The following PAPPA2 variants were observed in gnomAD, a reference collection of about 807,000 sequenced individuals.
PAPPA2 encodes pappalysin-2.
A neutral mutation model predicts 176.4 loss-of-function variants in PAPPA2; 86 were observed. The ratio of observed to expected loss-of-function variants is 0.49; its 90% CI spans 0.41 to 0.58. PAPPA2 has a LOEUF of 0.58. Ranked by LOEUF, PAPPA2 falls within the 20% of genes least tolerant of loss-of-function variation. The pLI, the probability that PAPPA2 is intolerant of heterozygous loss-of-function variation, is 0.00. For synonymous variants in PAPPA2, 809 were observed against 852.2 expected, an observed-to-expected ratio of 0.95 and a Z score of 0.88; for missense variants, 2,073 against 2,256.9, an observed-to-expected ratio of 0.92 and a Z score of 1.65.
Position 176,692,299 on chromosome 1 carries a change from A to G in PAPPA2, c.2605A>G (p.Ser869Gly), listed in dbSNP as rs377278137. ...CACTATCCACTGGCTGCCTCCTATT[A>G]GTGGAGTTGTATATGACAGGTGAGA... is the stretch of plus-strand genomic sequence containing the variant. Reference protein sequence around the residue: ...SLTIHWLPPISGVVYDRASGS... With the variant: ...SLTIHWLPPIGGVVYDRASGS... Residue 869 changes from serine to glycine, a missense_variant, in exon 6 of 23, where the codon AGT (serine) becomes GGT (glycine). Physicochemically the swap from Ser to Gly is moderately conservative, Grantham distance 56. Around this residue, in one of 4 missense-constraint regions of PAPPA2, gnomAD observed 1,196 missense variants for 1,330.4 expected, o/e 0.90. Transcript: ENST00000367662. The G allele has an allele frequency of 1.3e-5, 21 of 1,613,310 alleles. No individual in the cohort carries two copies. The African/African-American group carries it at 2.8e-4, about 22-fold the overall frequency.
At chr1:176,622,526 G>A (rs1048019357) in intron 3 of PAPPA2, among the ~76,000 whole-genome samples, 4 of 152,250 alleles carry the variant, frequency 2.6e-5, no homozygotes, top group Non-Finnish European at 5.9e-5. Flanking sequence ...TTAGAACACC[G>A]ACTGTGCCCA....
chr1:176,730,343 TTTG>T (rs1464139935), intron 12 of PAPPA2, among the ~76,000 whole-genome samples: 4 of 151,990 alleles, frequency 2.6e-5, no homozygotes, highest in African/African-American at 7.2e-5. Flanking sequence ...TTTTGAATTT[TTTG>T]TTATTTCCAG....
intron 20 of PAPPA2, among the ~76,000 whole-genome samples, chr1:176,795,522 A>C (rs1215117639): frequency 6.6e-6 from 1 of 152,222 alleles, no homozygotes; most frequent in Non-Finnish European, 1.5e-5. Context: ...AATAGGAAAA[A>C]TTAATGTTTT....
intron 21 of PAPPA2, among the ~76,000 whole-genome samples, chr1:176,819,931 C>T (rs1666588445): frequency 6.6e-6 from 1 of 152,182 alleles, no homozygotes; most frequent in African/African-American, 2.4e-5. Flanking sequence ...AGGAGACTAA[C>T]AACAGCCCAG....
chr1:176,809,729 C>A (rs531815074), intron 21 of PAPPA2, among the ~76,000 whole-genome samples: 10 of 152,122 alleles, frequency 6.6e-5, no homozygotes, highest in African/African-American at 2.4e-4. Context: ...GCCTGACTAA[C>A]AAGTCGTAAT....
chr1:176,644,844 A>G (rs1174267748), intron 3 of PAPPA2, among the ~76,000 whole-genome samples: 1 of 151,862 alleles, frequency 6.6e-6, no homozygotes, highest in Non-Finnish European at 1.5e-5. Context: ...AAAAGGACAC[A>G]GGAAAATAAA....
At position 176,769,611 on chromosome 1, in the gene PAPPA2, A is replaced by C; in HGVS notation, c.4328A>C (p.Glu1443Ala). The C allele has an allele frequency of 1.2e-6, 2 of 1,613,138 alleles. No homozygotes were observed. Among genetic ancestry groups the C allele is most frequent in the Non-Finnish European group, 1.7e-6 (2 of 1,179,766 alleles). Residue 1443 changes from glutamate (E) to alanine (A), a missense_variant, in exon 16 of 23, where the codon GAA becomes GCA. Physicochemically the swap from Glu to Ala is moderately radical, Grantham distance 107. Coordinates refer to ENST00000367662, the MANE Select transcript of PAPPA2 (RefSeq NM_020318.3). ...SGQYIRPMQKEILLTCSSGHW... is the reference protein window; with the variant it reads ...SGQYIRPMQKAILLTCSSGHW... ...AAGCAATTTCTCTGTTTCTAGAAGG[A>C]AATTCTGCTCACATGTTCTTCTGGG...
chr1:176,813,274 T>C (rs1431353768), intron 21 of PAPPA2, among the ~76,000 whole-genome samples: 1 of 152,116 alleles, frequency 6.6e-6, no homozygotes, highest in Non-Finnish European at 1.5e-5. Flanking sequence ...ATCTTTCTAA[T>C]AGAATGACAT....
chr1:176,702,550 C>T lies in PAPPA2; in HGVS notation c.3237-57C>T, dbSNP rs190484187. 7 of 1,600,160 alleles carry T rather than the reference C, an allele frequency of 4.4e-6. No homozygotes were observed. The East Asian group carries it at 1.1e-4, about 26-fold the overall frequency. ...ACTTCTGTGAACCATCAACAAAGGA[C>T]CCAGGGCATGCCTCACTTTGTGGCT... On this transcript the variant is annotated intron_variant, in intron 8 of 22. Coordinates refer to ENST00000367662, the MANE Select transcript of PAPPA2 (RefSeq NM_020318.3).
chr1:176,753,474 C>T (rs912996102), intron 14 of PAPPA2, among the ~76,000 whole-genome samples: 1 of 151,428 alleles, frequency 6.6e-6, no homozygotes, highest in East Asian at 1.9e-4. Flanking sequence ...CCTTTCCAGC[C>T]TTCTTCTTCC....
At chr1:176,676,611 T>C (rs888953944) in intron 4 of PAPPA2, among the ~76,000 whole-genome samples, 1 of 152,094 alleles carries the variant, frequency 6.6e-6, no homozygotes, top group East Asian at 1.9e-4. Flanking sequence ...GAGAAAAGTA[T>C]AGATGTATGT....
chr1:176,771,028 C>A lies in PAPPA2; in HGVS notation c.4563C>A (p.Cys1521Ter). 3 of 1,614,188 alleles carry A rather than the reference C, an allele frequency of 1.9e-6. No individual in the cohort carries two copies. Among genetic ancestry groups the A allele is most frequent in the Non-Finnish European group, 2.5e-6 (3 of 1,180,030 alleles). The change falls in exon 17 of 23, where the codon TGC (cysteine) becomes TGA (stop). Residue 1521 changes from cysteine to a stop codon, truncating the protein, a stop_gained. Coordinates refer to ENST00000367662, the MANE Select transcript of PAPPA2 (RefSeq NM_020318.3). LOFTEE classifies it high-confidence loss of function. ...TCTGGTCTCTCCCTGAAGTCTACTG[C>A]AAGTTGGAGTGTGATGCTCCCCCTA... is the stretch of plus-strand genomic sequence containing the variant. ...DGLWSLPEVY[C>*]KLECDAPPII...
intron 14 of PAPPA2, among the ~76,000 whole-genome samples, chr1:176,758,898 C>G (rs1663562617): frequency 6.6e-6 from 1 of 152,162 alleles, no homozygotes; most frequent in African/African-American, 2.4e-5. Context: ...CATGTTAAAG[C>G]TGGAAGGGCC....
intron 12 of PAPPA2, among the ~76,000 whole-genome samples, chr1:176,718,303 G>A (rs928141840): frequency 6.6e-6 from 1 of 151,860 alleles, no homozygotes; most frequent in Admixed American, 6.5e-5. Flanking sequence ...GTTAATTTGT[G>A]GCTTGTCTCT....
At position 176,663,324 on chromosome 1, in the gene PAPPA2, C is replaced by T. The variant is rs1195997461; in HGVS notation, c.1992-7646C>T. On this transcript the variant is annotated intron_variant, in intron 3 of 22. Coordinates refer to ENST00000367662, the MANE Select transcript of PAPPA2 (RefSeq NM_020318.3). ...TTGTGGCATTGCCTCCATTCTGTTG[C>T]TCCTTTTAAGCAAAGTATACCTGCT... is the stretch of plus-strand genomic sequence containing the variant. 2.6e-5 allele frequency among the ~76,000 whole-genome samples: 4 copies of T among 152,144 alleles called. No homozygotes were observed. The East Asian group carries it at 7.7e-4, about 29-fold the overall frequency.
intron 4 of PAPPA2, among the ~76,000 whole-genome samples, chr1:176,687,283 C>T (rs1401706346): frequency 6.6e-6 from 1 of 152,122 alleles, no homozygotes; most frequent in Non-Finnish European, 1.5e-5. Flanking sequence ...GGAATGTGCA[C>T]CAAGAGTGTT....
At chr1:176,686,085 G>A (rs1455971085) in intron 4 of PAPPA2, among the ~76,000 whole-genome samples, 1 of 152,098 alleles carries the variant, frequency 6.6e-6, no homozygotes, top group Non-Finnish European at 1.5e-5. Context: ...TGGAATAAAG[G>A]GTGAGTGGGA....
chr1:176,485,677 T>A (rs781472195), intron 1 of PAPPA2, among the ~76,000 whole-genome samples: 1 of 152,198 alleles, frequency 6.6e-6, no homozygotes, highest in African/African-American at 2.4e-5. Flanking sequence ...TTTTTGTTTA[T>A]TTTGCCACTG....
chr1:176,587,473 G>C (rs544667911), intron 2 of PAPPA2, among the ~76,000 whole-genome samples: 3 of 152,156 alleles, frequency 2.0e-5, no homozygotes, highest in Non-Finnish European at 4.4e-5. Flanking sequence ...TGTGTAAGTT[G>C]TAAGGAAGGG....
Sources: gnomAD v4.1 joint callset for allele counts (sites outside exome capture counted in the v4.1 genomes callset) on GRCh38, gnomAD v4.1.1 for gene constraint, gnomAD v4.1.1 regional missense constraint, MANE v1.5 for transcripts, NCBI Gene and HGNC (gene_info 2026-07-23, HGNC 2026-07-21) for gene names.